Variants in PPWD1 observed in about 807,000 individuals in gnomAD.
PPWD1 encodes the protein peptidylprolyl isomerase domain and WD repeat-containing protein 1.
PPWD1 carries 43 observed loss-of-function variants against 68.8 expected under a neutral mutation model. The ratio of observed to expected loss-of-function variants is 0.62; its 90% confidence interval spans 0.49 to 0.81. The LOEUF is 0.81. Among genes scored for constraint, PPWD1 ranks in the 30% least tolerant of loss-of-function variants. The pLI, the probability that PPWD1 is intolerant of heterozygous loss-of-function variation, is 0.00. For synonymous variants in PPWD1, 232 were observed against 258.7 expected (o/e 0.90, Z 0.99); for missense variants, 672 against 804.8 (o/e 0.83, Z 2.00).
chr5:65,563,974 C>T (rs1324624460), intron 1 of PPWD1: 2 of 796,722 alleles, frequency 2.5e-6, no homozygotes, highest in Non-Finnish European at 2.0e-6. Flanking sequence ...AACTCTGACA[C>T]TTCCACTAAT....
intron 5 of PPWD1, among the ~76,000 whole-genome samples, chr5:65,575,256 G>T (rs1188547694): frequency 6.6e-6 from 1 of 152,160 alleles, no homozygotes; most frequent in Non-Finnish European, 1.5e-5. Context: ...TAAAAACTGA[G>T]TCTTCTCTCC....
chr5:65,563,708 T>C lies in PPWD1; in HGVS notation c.196+202T>C, dbSNP rs1035534491. ...GTAGTACAACGTCTTTTTGATAATA[T>C]CTAACACTTTTGATCATTGATTTGT... On this transcript the variant is annotated intron_variant, in intron 1 of 10. Transcript: ENST00000261308. 4.3e-6 allele frequency: 6 copies of C among 1,398,034 alleles called. No homozygotes were observed. In the South Asian group the frequency reaches 4.9e-5, roughly 11 times the overall value. The allele number at this position is 1,398,034 out of a possible 1,614,324, so 86.6% of individuals were successfully genotyped here. A position where few individuals can be genotyped will look rare whatever the true frequency, so the allele number is the denominator to read the frequency against.
chr5:65,563,422 G>T lies in PPWD1; in HGVS notation c.112G>T (p.Val38Leu), dbSNP rs775298660. ...AAGAGAGCTGGCAGTAGCAGTGGCGGTGTCCCAGGAGAACGATGAGGAGAA... is the reference window on the plus strand; with the variant it reads ...AAGAGAGCTGGCAGTAGCAGTGGCGTTGTCCCAGGAGAACGATGAGGAGAA... ...SERELAVAVA[V>L]SQENDEENEE... The change falls in exon 1 of 11, where the codon GTG (valine) becomes TTG (leucine). Residue 38 changes from valine (V) to leucine (L), a missense_variant. By Grantham distance (32) the Val-to-Leu change is conservative (BLOSUM62 1). Coordinates refer to ENST00000261308, the MANE Select transcript of PPWD1 (RefSeq NM_015342.4). 5.6e-5 allele frequency: 91 copies of T among 1,614,068 alleles called. No individual in the cohort carries two copies. The highest frequency in any genetic ancestry group is 7.5e-5 in the Non-Finnish European group (88 of 1,180,042).
At chr5:65,573,343 G>C (rs1456385404) in intron 5 of PPWD1, among the ~76,000 whole-genome samples, 3 of 147,984 alleles carry the variant, frequency 2.0e-5, no homozygotes, top group Non-Finnish European at 3.0e-5. Context: ...AGTTGCACTT[G>C]AGTGCAGTGG....
intron 2 of PPWD1, chr5:65,567,846 G>A (rs1752845756): frequency 2.7e-6 from 2 of 740,114 alleles, no homozygotes; most frequent in South Asian, 5.0e-5. Context: ...GCCAAGAGGG[G>A]AGTGAACCAG....
chr5:65,571,814 C>A, intron 4 of PPWD1, 25 bp from the exon 5 acceptor site: 1 of 1,584,040 alleles, frequency 6.3e-7, no homozygotes, highest in South Asian at 1.2e-5. Context: ...CTTTTTTTTT[C>A]CCTCTCAATT....
rs771221526 is a variant in PPWD1, at chr5:65,587,301, A to G, written c.1846A>G (p.Met616Val). 1.2e-6 allele frequency: 2 copies of G among 1,612,446 alleles called. No homozygotes were observed. Among genetic ancestry groups the G allele is most frequent in the Non-Finnish European group, 1.7e-6 (2 of 1,178,892 alleles). ...AGTATTTGGACGAGTGACTAAAGGA[A>G]TGGAAGTTGTACAGAGGATCTCCAA... ...HTVFGRVTKG[M>V]EVVQRISNVK... Residue 616 changes from methionine to valine, a missense_variant, in exon 11 of 11, where the codon ATG (methionine) becomes GTG (valine). This residue lies in a region of PPWD1 where 484 missense variants were observed against 646.2 expected (regional missense o/e 0.75). Transcript: ENST00000261308.
chr5:65,582,213 T>C (rs982025808), intron 7 of PPWD1, among the ~76,000 whole-genome samples: 2 of 152,168 alleles, frequency 1.3e-5, no homozygotes, highest in African/African-American at 4.8e-5. Flanking sequence ...AGAGGTTGCT[T>C]AGGAGAGAGC....
At chr5:65,582,768 T>A in intron 7 of PPWD1, 1 of 247,300 alleles carries the variant, frequency 4.0e-6, no homozygotes, top group Non-Finnish European at 7.4e-6. Context: ...TCTTGTTAAA[T>A]GTTTGCCCAA....
Position 65,563,474 on chromosome 5 carries a change from C to G in PPWD1, c.164C>G (p.Pro55Arg). 6.2e-7 allele frequency: 1 copy of G among 1,613,788 alleles called. No homozygotes were observed. Among genetic ancestry groups the G allele is most frequent in the South Asian group, 1.1e-5 (1 of 91,008 alleles). Residue 55 changes from proline to arginine, a missense_variant, in exon 1 of 11, where the codon CCT becomes CGT. By Grantham distance (103) the Pro-to-Arg change is moderately radical (BLOSUM62 -2). Transcript: ENST00000261308. The part of the protein sequence containing the change: ...ENEERWVGPL[P>R]VEATLAKKRK... ...GAAGAGCGCTGGGTTGGACCTTTAC[C>G]TGTGGAGGCAACACTGGCCAAGAAG... is the stretch of plus-strand genomic sequence containing the variant.
At chr5:65,567,227 A>G (rs1752817847) in intron 1 of PPWD1, among the ~76,000 whole-genome samples, 1 of 151,364 alleles carries the variant, frequency 6.6e-6, no homozygotes, top group East Asian at 1.9e-4. Flanking sequence ...GAACATTCAC[A>G]TTAAGCCAGA....
Position 65,563,339 on chromosome 5 carries a change from A to G in PPWD1, c.29A>G (p.Gln10Arg), listed in dbSNP as rs777702093. The change falls in exon 1 of 11, where the codon CAG becomes CGG. Residue 10 changes from glutamine to arginine, a missense_variant. Around this residue, in one of 2 missense-constraint regions of PPWD1, gnomAD observed 188 missense variants for 158.6 expected, o/e 1.19. Coordinates refer to ENST00000261308, the MANE Select transcript of PPWD1 (RefSeq NM_015342.4). MAAESGSDF[Q>R]QRRRRRRDPE... Reference sequence around the variant, plus strand: ...GCGGCGGAAAGTGGTAGCGATTTTCAGCAGAGACGTAGAAGGCGCCGGGAC... The same window carrying G: ...GCGGCGGAAAGTGGTAGCGATTTTCGGCAGAGACGTAGAAGGCGCCGGGAC... 1.9e-6 allele frequency: 3 copies of G among 1,613,838 alleles called. No homozygotes were observed. Among genetic ancestry groups the G allele is most frequent in the South Asian group, 1.1e-5 (1 of 91,066 alleles).
In PPWD1 at chr5:65,579,464, A is replaced by G. The variant is rs771883335; in HGVS notation, c.1201A>G (p.Met401Val). ...AGGCAAACAAGAAAATATTAGAGTG[A>G]TGCAATTGGCTTTGTTCCAGGGGAT... Reference protein sequence around the residue: ...ILGKQENIRVMQLALFQGIAK... With the variant: ...ILGKQENIRVVQLALFQGIAK... Residue 401 changes from methionine (M) to valine (V), a missense_variant, in exon 7 of 11, where the codon ATG becomes GTG. This residue lies in a region of PPWD1 where 484 missense variants were observed against 646.2 expected (regional missense o/e 0.75). Transcript: ENST00000261308. 29 of 1,595,250 alleles carry G rather than the reference A, an allele frequency of 1.8e-5. No homozygotes were observed. In the South Asian group the frequency reaches 3.2e-4, roughly 18 times the overall value.
At chr5:65,576,327 G>A (rs555395594) in intron 5 of PPWD1, 8 of 984,066 alleles carry the variant, frequency 8.1e-6, no homozygotes, top group South Asian at 4.7e-5. Flanking sequence ...TTAACCAACC[G>A]GGTTTTGTTT....
At chr5:65,586,925 G>A (rs1368465129) in intron 10 of PPWD1, among the ~76,000 whole-genome samples, 1 of 152,134 alleles carries the variant, frequency 6.6e-6, no homozygotes, top group Non-Finnish European at 1.5e-5. Flanking sequence ...GTTCAGGTAA[G>A]AGTCCTCCAG....
chr5:65,574,829 C>A (rs1753211845), intron 5 of PPWD1, among the ~76,000 whole-genome samples: 1 of 152,208 alleles, frequency 6.6e-6, no homozygotes, highest in Admixed American at 6.5e-5. Flanking sequence ...TTGTTGTCTT[C>A]AACATTTGCT....
At chr5:65,564,091 G>A in intron 1 of PPWD1, 1 of 513,010 alleles carries the variant, frequency 1.9e-6, no homozygotes, top group Non-Finnish European at 3.5e-6. Flanking sequence ...GATACGATGG[G>A]CTGAGTCTTT....
At chr5:65,581,077 T>A (rs1753574786) in intron 7 of PPWD1, among the ~76,000 whole-genome samples, 1 of 152,212 alleles carries the variant, frequency 6.6e-6, no homozygotes, top group Admixed American at 6.5e-5. Context: ...TAAACTGATG[T>A]AATGCTATTA....
At position 65,579,317 on chromosome 5, in the gene PPWD1, T is replaced by C. The variant is rs573346218; in HGVS notation, c.1161-107T>C. The C allele has an allele frequency of 3.3e-4, 443 of 1,331,394 alleles. 12 individuals are homozygous for C. The South Asian group carries it at 8.7e-3, about 26-fold the overall frequency. 82.5% of individuals were successfully genotyped at this position (1,331,394 alleles called of 1,614,324 possible). A position where few individuals can be genotyped will look rare whatever the true frequency, so the allele number is the denominator to read the frequency against. Reference sequence around the variant, plus strand: ...ACTTTTAAAAATCTTTCACTAGTTATTTTGTACATAGATAAGATAGTTGAT... The same window carrying C: ...ACTTTTAAAAATCTTTCACTAGTTACTTTGTACATAGATAAGATAGTTGAT... On this transcript the variant is annotated intron_variant, in intron 6 of 10. Coordinates refer to ENST00000261308, the MANE Select transcript of PPWD1 (RefSeq NM_015342.4).
Sources: gnomAD v4.1 joint callset for allele counts (sites outside exome capture counted in the v4.1 genomes callset) on GRCh38, gnomAD v4.1.1 for gene constraint, gnomAD v4.1.1 regional missense constraint, MANE v1.5 for transcripts, NCBI Gene and HGNC (gene_info 2026-07-23, HGNC 2026-07-21) for gene names.